CTNNA3: variants seen among roughly 807,000 people sequenced by gnomAD.
The protein encoded by CTNNA3 is catenin alpha 3.
A neutral mutation model predicts 95.7 loss-of-function variants in CTNNA3; 76 were observed. The observed-to-expected ratio is 0.79, with a 90% confidence interval of 0.66 to 0.96. The LOEUF is 0.96. Among genes scored for constraint, CTNNA3 ranks in the 40% least tolerant of loss-of-function variants. The probability of loss-of-function intolerance (pLI) is 0.00; values close to 1 mark genes in which losing one functional copy is unlikely to be tolerated. For synonymous variants in CTNNA3, 431 were observed against 374.4 expected, an observed-to-expected ratio of 1.15 and a Z score of -1.74; for missense variants, 1,191 against 1,089.8, an observed-to-expected ratio of 1.09 and a Z score of -1.31.
chr10:66,398,496 C>T (rs10509264), intron 11 of CTNNA3, among the ~76,000 whole-genome samples: 14,546 of 151,678 alleles, frequency 0.096, 918 homozygotes, highest in Middle Eastern at 0.18. Context: ...AAGACAGTAA[C>T]GCATAGAACA....
In CTNNA3 at chr10:67,559,666, G is replaced by C. The variant is rs181130375; in HGVS notation, c.293-19997C>G. 3.8e-3 allele frequency among the ~76,000 whole-genome samples: 578 copies of C among 152,078 alleles called. 1 individual carries two copies. The highest frequency in any genetic ancestry group is 0.013 in the African/African-American group (544 of 41,510). ...AATGACTTTGACAAGTTGAGAGAAG[G>C]CTTCAGACGATCAAACTACTCCGAG... On this transcript the variant is annotated intron_variant, in intron 3 of 17. Coordinates refer to ENST00000433211, the MANE Select transcript of CTNNA3 (RefSeq NM_013266.4).
intron 1 of CTNNA3, among the ~76,000 whole-genome samples, chr10:67,725,472 C>G (rs1356897252): frequency 6.6e-6 from 1 of 152,074 alleles, no homozygotes; most frequent in Non-Finnish European, 1.5e-5. Flanking sequence ...CCACTGCGCC[C>G]GGCCTTATTG....
intron 7 of CTNNA3, among the ~76,000 whole-genome samples, chr10:66,809,039 G>A (rs146804099): frequency 6.6e-6 from 1 of 152,276 alleles, no homozygotes; most frequent in East Asian, 1.9e-4. Flanking sequence ...CCACGACTAT[G>A]TATTATATGA....
chr10:66,143,863 C>T (rs1407962954), intron 13 of CTNNA3, among the ~76,000 whole-genome samples: 1 of 152,124 alleles, frequency 6.6e-6, no homozygotes, highest in Non-Finnish European at 1.5e-5. Flanking sequence ...TATCTTAAAA[C>T]TTTAAACCAT....
intron 7 of CTNNA3, among the ~76,000 whole-genome samples, chr10:67,145,381 G>A (rs1306053176): frequency 1.3e-5 from 2 of 151,836 alleles, no homozygotes; most frequent in Non-Finnish European, 2.9e-5. Flanking sequence ...AGTAGGTGTG[G>A]AAACCTTGGT....
intron 5 of CTNNA3, among the ~76,000 whole-genome samples, chr10:67,511,679 G>A (rs533405115): frequency 6.6e-6 from 1 of 152,270 alleles, no homozygotes; most frequent in South Asian, 2.1e-4. Flanking sequence ...GTCTCTGCCA[G>A]GCTTTGGTAT....
chr10:66,674,410 T>C (rs1157286341), intron 9 of CTNNA3, among the ~76,000 whole-genome samples: 2 of 152,028 alleles, frequency 1.3e-5, no homozygotes, highest in Non-Finnish European at 2.9e-5. Context: ...TGTAGGTCTT[T>C]CTAGAGCCTT....
chr10:66,924,288 T>A lies in CTNNA3; in HGVS notation c.1048-148764A>T, dbSNP rs544734532. 1.8e-4 allele frequency among the ~76,000 whole-genome samples: 27 copies of A among 152,318 alleles called. 1 individual carries two copies. The South Asian group carries it at 5.4e-3, about 30-fold the overall frequency. ...TGTACTATATCTGTAGGACCCCTTT[T>A]GATTGTCATTACTAGCCTTTATCAA... On this transcript the variant is annotated intron_variant, in intron 7 of 17. Coordinates refer to ENST00000433211, the MANE Select transcript of CTNNA3 (RefSeq NM_013266.4).
At chr10:66,345,954 A>G (rs1305325065) in intron 12 of CTNNA3, among the ~76,000 whole-genome samples, 4 of 150,516 alleles carry the variant, frequency 2.7e-5, no homozygotes, top group Admixed American at 1.3e-4. Context: ...GTGTGCACCT[A>G]TAGTCCCAGC....
At chr10:66,868,516 T>C (rs1455019486) in intron 7 of CTNNA3, among the ~76,000 whole-genome samples, 1 of 150,448 alleles carries the variant, frequency 6.6e-6, no homozygotes, top group Admixed American at 6.6e-5. Context: ...ACTTTGGGAG[T>C]CCGAGGCAGG....
chr10:66,290,665 A>G (rs2091666035), intron 12 of CTNNA3, among the ~76,000 whole-genome samples: 2 of 149,730 alleles, frequency 1.3e-5, no homozygotes, highest in Non-Finnish European at 2.9e-5. Context: ...GCAGAGAGTT[A>G]AAGTACTAGA....
intron 17 of CTNNA3, among the ~76,000 whole-genome samples, chr10:65,954,313 A>T (rs1439697083): frequency 1.3e-5 from 2 of 152,122 alleles, no homozygotes; most frequent in African/African-American, 4.8e-5. Flanking sequence ...TAGATTGCAA[A>T]AATTTTCTCC....
At chr10:67,620,901 ATATG>A (rs1015053770) in intron 2 of CTNNA3, among the ~76,000 whole-genome samples, 1 of 102,178 alleles carries the variant, frequency 9.8e-6, no homozygotes, top group African/African-American at 5.5e-5. Flanking sequence ...ATATATATGT[ATATG>A]TGTGTGTGTG....
chr10:66,842,722 C>T (rs1263026433), intron 7 of CTNNA3, among the ~76,000 whole-genome samples: 1 of 152,082 alleles, frequency 6.6e-6, no homozygotes, highest in South Asian at 2.1e-4. Context: ...ATAATTTTTG[C>T]ATTATAGCTA....
intron 7 of CTNNA3, among the ~76,000 whole-genome samples, chr10:67,146,585 A>G (rs540120305): frequency 6.6e-6 from 1 of 152,252 alleles, no homozygotes; most frequent in Admixed American, 6.5e-5. Flanking sequence ...GGGACTCTCA[A>G]TTATGGGCAA....
chr10:66,417,755 T>C (rs2093158732), intron 11 of CTNNA3, among the ~76,000 whole-genome samples: 1 of 151,856 alleles, frequency 6.6e-6, no homozygotes, highest in Non-Finnish European at 1.5e-5. Context: ...ATACAAAAAT[T>C]AAATAACATG....
intron 10 of CTNNA3, among the ~76,000 whole-genome samples, chr10:66,607,821 G>T (rs1422895599): frequency 6.6e-6 from 1 of 152,118 alleles, no homozygotes; most frequent in Non-Finnish European, 1.5e-5. Flanking sequence ...AGTCATCTAT[G>T]ACAAACACAC....
chr10:67,677,656 C>T (rs2133562729), intron 1 of CTNNA3, among the ~76,000 whole-genome samples: 1 of 152,162 alleles, frequency 6.6e-6, no homozygotes, highest in East Asian at 1.9e-4. Flanking sequence ...TTCCTAGACA[C>T]CTCCTAGCAA....
chr10:66,745,577 T>G (rs1196137840), intron 9 of CTNNA3, among the ~76,000 whole-genome samples: 1 of 147,848 alleles, frequency 6.8e-6, no homozygotes, highest in East Asian at 2.0e-4. Context: ...TGGTATATAA[T>G]GCAGACAGCC....
Sources: allele counts gnomAD v4.1 joint callset (sites outside exome capture counted in the v4.1 genomes callset), GRCh38; gene constraint gnomAD v4.1.1; transcripts MANE v1.5; gene names NCBI Gene and HGNC (gene_info 2026-07-23, HGNC 2026-07-21).